The following PHYHIPL variants were observed in gnomAD, a reference collection of about 807,000 sequenced individuals.
PHYHIPL encodes phytanoyl-CoA 2-hydroxylase interacting protein like, also known as phytanoyl-CoA hydroxylase-interacting protein-like.
A neutral mutation model predicts 33.4 loss-of-function variants in PHYHIPL; 9 were observed. The observed-to-expected ratio is 0.27, with a 90% CI of 0.16 to 0.47. The LOEUF (loss-of-function observed/expected upper bound fraction) is 0.47. Ranked by LOEUF, PHYHIPL falls within the 20% of genes least tolerant of loss-of-function variation. The pLI, the probability that PHYHIPL is intolerant of heterozygous loss-of-function variation, is 0.99. For synonymous variants in PHYHIPL, 153 were observed against 154.1 expected (o/e 0.99, Z 0.05); for missense variants, 365 against 460.7 (o/e 0.79, Z 1.90).
intron 1 of PHYHIPL, among the ~76,000 whole-genome samples, chr10:59,198,152 C>T (rs981986837): frequency 4.6e-5 from 7 of 152,064 alleles, no homozygotes; most frequent in Non-Finnish European, 7.4e-5. Flanking sequence ...GTGCTGCACC[C>T]GTTAACTCAT....
At chr10:59,198,246 C>G (rs1227700470) in intron 1 of PHYHIPL, among the ~76,000 whole-genome samples, 1 of 151,490 alleles carries the variant, frequency 6.6e-6, no homozygotes, top group Non-Finnish European at 1.5e-5. Flanking sequence ...TGTTCCCCTT[C>G]CTGTGTCCAA....
At chr10:59,232,358 A>C (rs762558549) in intron 1 of PHYHIPL, among the ~76,000 whole-genome samples, 48 of 151,998 alleles carry the variant, frequency 3.2e-4, no homozygotes, top group Non-Finnish European at 2.5e-4. Context: ...TTAATATAAC[A>C]AATTCTTTCT....
intron 1 of PHYHIPL, among the ~76,000 whole-genome samples, chr10:59,210,764 G>A (rs186367530): frequency 4.6e-5 from 7 of 152,228 alleles, no homozygotes; most frequent in African/African-American, 1.2e-4. Context: ...AACAGTTCAC[G>A]TCCTTTGCAG....
intron 1 of PHYHIPL, chr10:59,219,234 G>A (rs1294295246): frequency 1.1e-6 from 1 of 936,972 alleles, no homozygotes; most frequent in Non-Finnish European, 1.3e-6. Context: ...AAGTGATTAA[G>A]TAGGAAGCCA....
Position 59,246,640 on chromosome 10 carries a change from C to A in PHYHIPL, c.*1049C>A, listed in dbSNP as rs1346177275. 2 of 397,544 alleles carry A rather than the reference C, an allele frequency of 5.0e-6. No individual in the cohort carries two copies. Among genetic ancestry groups the A allele is most frequent in the South Asian group, 1.3e-4 (1 of 7,854 alleles). 24.6% of individuals were successfully genotyped at this position (397,544 alleles called of 1,614,324 possible). On this transcript the variant is annotated 3_prime_UTR_variant, in exon 5 of 5. Coordinates refer to ENST00000373880, the MANE Select transcript of PHYHIPL (RefSeq NM_032439.4). ...ATGAAGCAAATAAATATTCTGGCTT[C>A]TTTTTCAAGGTATCAGGGCAAACAA... is the stretch of plus-strand genomic sequence containing the variant.
intron 1 of PHYHIPL, among the ~76,000 whole-genome samples, chr10:59,205,861 C>T (rs1425684720): frequency 6.6e-6 from 1 of 152,062 alleles, no homozygotes; most frequent in African/African-American, 2.4e-5. Flanking sequence ...ATTTTTCTGG[C>T]TTTCGTAATA....
intron 3 of PHYHIPL, 45 bp downstream of exon 3, chr10:59,236,702 G>T: frequency 6.9e-7 from 1 of 1,439,150 alleles, no homozygotes. Context: ...AGTTGTTCTG[G>T]GAAAGCTAAT....
At chr10:59,193,071 C>T (rs1838822918) in intron 1 of PHYHIPL, among the ~76,000 whole-genome samples, 1 of 152,046 alleles carries the variant, frequency 6.6e-6, no homozygotes, top group Admixed American at 6.6e-5. Context: ...CTTCATCTTC[C>T]AGTCAGTCTT....
At chr10:59,206,002 A>G (rs1415125945) in intron 1 of PHYHIPL, among the ~76,000 whole-genome samples, 1 of 152,194 alleles carries the variant, frequency 6.6e-6, no homozygotes, top group Non-Finnish European at 1.5e-5. Flanking sequence ...AATTCTTGGC[A>G]TTACTTTGTC....
intron 4 of PHYHIPL, among the ~76,000 whole-genome samples, chr10:59,244,400 G>T (rs1247067613): frequency 6.6e-6 from 1 of 151,426 alleles, no homozygotes; most frequent in Non-Finnish European, 1.5e-5. Context: ...CCCGTCTGTA[G>T]TAAAAGTACA....
In PHYHIPL at chr10:59,245,084, A is replaced by G. The variant is rs770450498; in HGVS notation, c.624A>G (p.Pro208=). Residue 208 remains proline, a synonymous_variant, in exon 5 of 5, where the codon CCA becomes CCG. Coordinates refer to ENST00000373880, the MANE Select transcript of PHYHIPL (RefSeq NM_032439.4). ...VREHHGNAMQ[P]SVKDNSGSHG... ...AACATCATGGGAATGCTATGCAGCC[A>G]TCTGTCAAGGATAACAGTGGTAGCC... 1 of 1,612,670 alleles carries G rather than the reference A, an allele frequency of 6.2e-7. No individual in the cohort carries two copies. The highest frequency in any genetic ancestry group is 2.2e-5 in the East Asian group (1 of 44,864).
intron 1 of PHYHIPL, among the ~76,000 whole-genome samples, chr10:59,192,827 A>G (rs1838816936): frequency 6.6e-6 from 1 of 152,086 alleles, no homozygotes; most frequent in Non-Finnish European, 1.5e-5. Context: ...TAAAATAGGA[A>G]TTTTTAACTG....
chr10:59,214,789 C>A (rs1036426052), intron 1 of PHYHIPL, among the ~76,000 whole-genome samples: 2 of 151,868 alleles, frequency 1.3e-5, no homozygotes. Flanking sequence ...AAAGATCAAC[C>A]CAATAGGAAT....
upstream of PHYHIPL, among the ~76,000 whole-genome samples, chr10:59,173,920 GGTTTTTTTTTTTTTTTTTTTTTTT>G (rs1638822520): frequency 2.5e-5 from 2 of 80,396 alleles, no homozygotes; most frequent in Admixed American, 1.3e-4. Flanking sequence ...TTACTTCTGA[GGTTTTTTTTTTTTTTTTTTTTTTT>G]TTTTTTTTTT....
At position 59,234,322 on chromosome 10, in the gene PHYHIPL, G is replaced by C. The variant is rs1210250929; in HGVS notation, c.125G>C (p.Ser42Thr). The change falls in exon 2 of 5, where the codon AGT (serine) becomes ACT (threonine). Residue 42 changes from serine to threonine, a missense_variant. Around this residue, in one of 4 missense-constraint regions of PHYHIPL, gnomAD observed 89 missense variants for 78.3 expected, o/e 1.14. Coordinates refer to ENST00000373880, the MANE Select transcript of PHYHIPL (RefSeq NM_032439.4). ...CTTGCAGGGAACAAATCACAAGACA[G>C]TGGCATAGCAGAGATGGAAGAACTT... is the stretch of plus-strand genomic sequence containing the variant. ...CDRDGNKSQD[S>T]GIAEMEELPV... is the part of the protein sequence containing the mutation. The C allele has an allele frequency of 1.3e-6, 2 of 1,586,654 alleles. No individual in the cohort carries two copies. The highest frequency in any genetic ancestry group is 2.3e-5 in the South Asian group (2 of 85,744).
intron 1 of PHYHIPL, among the ~76,000 whole-genome samples, chr10:59,191,209 T>C (rs1366088562): frequency 1.3e-5 from 2 of 151,998 alleles, no homozygotes; most frequent in Non-Finnish European, 2.9e-5. Flanking sequence ...CTGACCCATA[T>C]ATATTCTCAT....
chr10:59,201,576 G>A (rs566333833), intron 1 of PHYHIPL, among the ~76,000 whole-genome samples: 5 of 152,172 alleles, frequency 3.3e-5, no homozygotes, highest in Admixed American at 6.5e-5. Context: ...TGTTAGGTCC[G>A]CTTGGTGCAG....
chr10:59,242,345 A>G (rs765283559), intron 4 of PHYHIPL, among the ~76,000 whole-genome samples: 7 of 152,148 alleles, frequency 4.6e-5, no homozygotes, highest in Non-Finnish European at 1.0e-4. Flanking sequence ...CCGGAGACTG[A>G]GTAGGAAACC....
At chr10:59,196,770 G>T (rs2133208644) in intron 1 of PHYHIPL, among the ~76,000 whole-genome samples, 1 of 152,214 alleles carries the variant, frequency 6.6e-6, no homozygotes, top group Admixed American at 6.5e-5. Flanking sequence ...AAAGTTTTAA[G>T]AATAGATTTG....
Sources: gnomAD v4.1 joint callset for allele counts (sites outside exome capture counted in the v4.1 genomes callset) on GRCh38, gnomAD v4.1.1 for gene constraint, gnomAD v4.1.1 regional missense constraint, MANE v1.5 for transcripts, NCBI Gene and HGNC (gene_info 2026-07-23, HGNC 2026-07-21) for gene names.